DMPK: variants seen among roughly 807,000 people sequenced by gnomAD.
DMPK encodes the protein myotonin-protein kinase.
A neutral mutation model predicts 70.3 loss-of-function variants in DMPK; 32 were observed. The ratio of observed to expected loss-of-function variants is 0.46; its 90% confidence interval spans 0.34 to 0.61. The LOEUF is 0.61. Among genes scored for constraint, DMPK ranks in the 20% least tolerant of loss-of-function variants. The pLI is 0.01. For missense variants in DMPK, 899 were observed against 886.0 expected, an observed-to-expected ratio of 1.01 and a Z score of -0.19; for synonymous variants, 469 against 390.9, an observed-to-expected ratio of 1.20 and a Z score of -2.36.
chr19:45,771,474 C>T (rs990613338), intron 12 of DMPK, 78 bp from the exon 13 acceptor site: 30 of 1,609,668 alleles, frequency 1.9e-5, no homozygotes, highest in Non-Finnish European at 2.4e-5. Context: ...CAGCGTGGGT[C>T]CCTTCCCTCC....
intron 1 of DMPK, chr19:45,780,107 A>G: frequency 6.8e-7 from 1 of 1,475,508 alleles, no homozygotes; most frequent in Non-Finnish European, 9.0e-7. Context: ...GCATTGGCCC[A>G]GAGGGCTCCA....
chr19:45,770,799 C>G lies in DMPK; in HGVS notation c.1738-159G>C, dbSNP rs1309977430. On this transcript the variant is annotated intron_variant, in intron 14 of 14. Transcript: ENST00000291270. Reference sequence around the variant, plus strand: ...GTTAGTCCACTCGCACGCCTCGAATCCCGTCCGAACTCGTCATTGGCTGCT... The same window carrying G: ...GTTAGTCCACTCGCACGCCTCGAATGCCGTCCGAACTCGTCATTGGCTGCT... 23 of 1,006,546 alleles carry G rather than the reference C, an allele frequency of 2.3e-5. No individual in the cohort carries two copies. In the East Asian group the frequency reaches 6.1e-4, roughly 27 times the overall value. The allele number at this position is 1,006,546 out of a possible 1,614,324, so 62.4% of individuals were successfully genotyped here. A position where few individuals can be genotyped will look rare whatever the true frequency, so the allele number is the denominator to read the frequency against.
Position 45,778,142 on chromosome 19 carries a change from C to T in DMPK, c.660G>A (p.Leu220=), listed in dbSNP as rs996282067. 1.7e-5 allele frequency: 28 copies of T among 1,612,404 alleles called. No individual in the cohort carries two copies. The highest frequency in any genetic ancestry group is 2.1e-5 in the Non-Finnish European group (25 of 1,179,402). ...ACTGGCTCACCGTTCCATCTGCCCGCAGCTTGAGGCAAGAGCCGAAGTCGG... is the reference window on the plus strand; with the variant it reads ...ACTGGCTCACCGTTCCATCTGCCCGTAGCTTGAGGCAAGAGCCGAAGTCGG... ...RLADFGSCLK[L]RADGTVRSLV... Residue 220 remains leucine (L), a synonymous_variant, in exon 6 of 15, where the codon CTG becomes CTA. Coordinates refer to ENST00000291270, the MANE Select transcript of DMPK (RefSeq NM_004409.5).
At position 45,782,321 on chromosome 19, in the gene DMPK, T is replaced by C. The variant is rs192648726; in HGVS notation, c.32A>G (p.Gln11Arg). 1.4e-5 allele frequency: 22 copies of C among 1,584,052 alleles called. No individual in the cohort carries two copies. The highest frequency in any genetic ancestry group is 1.5e-5 in the Non-Finnish European group (18 of 1,166,348). Residue 11 changes from glutamine to arginine, a missense_variant, in exon 1 of 15, where the codon CAG becomes CGG. This residue lies in a region of DMPK where 149 missense variants were observed against 142.5 expected (regional missense o/e 1.05). Coordinates refer to ENST00000291270, the MANE Select transcript of DMPK (RefSeq NM_004409.5). The part of the protein sequence containing the change: MSAEVRLRRL[Q>R]QLVLDPGFLG... The stretch of plus-strand genomic sequence containing the variant: ...GAAGCCCGGGTCCAACACCAGCTGC[T>C]GGAGCCGCCTCAGCCGCACCTCGGC...
chr19:45,777,060 G>T lies in DMPK; in HGVS notation c.1146+267C>A. ...CAGAAAGCCCTCCAGGACCTTCCTT[G>T]CTGAGTCAGGAGTCCCCCACCCCCT... On this transcript the variant is annotated intron_variant, in intron 8 of 14. Transcript: ENST00000291270. This position sits in a 1 kb window ranked among gnomAD's most constrained non-coding sequence, Gnocchi z 6.7. 2.3e-6 allele frequency: 1 copy of T among 433,790 alleles called. No individual in the cohort carries two copies. Among genetic ancestry groups the T allele is most frequent in the Non-Finnish European group, 4.0e-6 (1 of 249,498 alleles). 26.9% of individuals were successfully genotyped at this position (433,790 alleles called of 1,614,324 possible).
At chr19:45,778,939 G>A (rs965803843) in intron 4 of DMPK, 2 of 562,580 alleles carry the variant, frequency 3.6e-6, no homozygotes, top group Non-Finnish European at 6.3e-6. Flanking sequence ...CCAGAGAATA[G>A]GTCCCAGACA....
chr19:45,777,372 G>A lies in DMPK; in HGVS notation c.1101C>T (p.Phe367=), dbSNP rs747898634. 6.2e-6 allele frequency: 10 copies of A among 1,606,370 alleles called. No individual in the cohort carries two copies. Among genetic ancestry groups the A allele is most frequent in the East Asian group, 2.2e-5 (1 of 44,780 alleles). The part of the protein sequence containing the change: ...DFEGATDTCN[F]DLVEDGLTAM... ...CAGTGAGCCCGTCCTCCACCAAGTC[G>A]AAGTTGCATGTGTCGGTGGCACCTT... is the stretch of plus-strand genomic sequence containing the variant. The change falls in exon 8 of 15, where the codon TTC becomes TTT. Residue 367 remains phenylalanine (F), a synonymous_variant. Coordinates refer to ENST00000291270, the MANE Select transcript of DMPK (RefSeq NM_004409.5). This position sits in a 1 kb window ranked among gnomAD's most constrained non-coding sequence, Gnocchi z 6.7.
chr19:45,778,774 T>G, intron 4 of DMPK, 133 bp from the exon 5 acceptor site: 1 of 950,660 alleles, frequency 1.1e-6, no homozygotes, highest in Non-Finnish European at 1.5e-6. Context: ...GAGATAACCA[T>G]AGAGATCTGC....
At chr19:45,781,868 A>ATGACCC (rs1251933039) in intron 1 of DMPK, among the ~76,000 whole-genome samples, 1 of 152,152 alleles carries the variant, frequency 6.6e-6, no homozygotes. Context: ...AGCTCCCAGC[A>ATGACCC]TGACCCTGAC....
chr19:45,776,350 A>G (rs77733323), intron 8 of DMPK, among the ~76,000 whole-genome samples: 11 of 45,180 alleles, frequency 2.4e-4, no homozygotes, highest in Admixed American at 7.4e-4. Context: ...TCACCGTGTT[A>G]GCCAAGATGG....
intron 9 of DMPK, among the ~76,000 whole-genome samples, chr19:45,773,578 C>T (rs1969601641): frequency 6.6e-6 from 1 of 152,212 alleles, no homozygotes; most frequent in South Asian, 2.1e-4. Flanking sequence ...ATCTGGTGAG[C>T]TCACGAGATA....
Position 45,779,442 on chromosome 19 carries a change from G to C in DMPK, c.333C>G (p.Gly111=), listed in dbSNP as rs1022657380. 1 of 1,613,618 alleles carries C rather than the reference G, an allele frequency of 6.2e-7. No individual in the cohort carries two copies. The highest frequency in any genetic ancestry group is 1.7e-5 in the Admixed American group (1 of 59,972). Residue 111 remains glycine, a synonymous_variant, in exon 3 of 15, where the codon GGC becomes GGG. Transcript: ENST00000291270. ...IMNKWDMLKR[G]EVSCFREERD... ...CCACGTCCGCCCAGCCCCTCACCTC[G>C]CCCCTCTTCAGCATGTCCCACTTGT... is the stretch of plus-strand genomic sequence containing the variant.
At chr19:45,780,899 G>C (rs1033280522) in intron 1 of DMPK, among the ~76,000 whole-genome samples, 1 of 151,944 alleles carries the variant, frequency 6.6e-6, no homozygotes, top group African/African-American at 2.4e-5. Flanking sequence ...GATGCAGCTC[G>C]GGCCACAAAA....
intron 9 of DMPK, 78 bp from the exon 10 acceptor site, chr19:45,772,830 G>C (rs894125670): frequency 2.6e-6 from 2 of 782,892 alleles, no homozygotes; most frequent in Admixed American, 4.2e-5. Context: ...CTGGCCTGTG[G>C]GTAGGGGCAG....
In DMPK at chr19:45,779,231, C is replaced by T. The variant is rs938806556; in HGVS notation, c.432+33G>A. ...GTCCAGTGACAGCACGGGCTCTTGT[C>T]CCTCTTCCTAGTCACCCCGGCCCGG... is the stretch of plus-strand genomic sequence containing the variant. On this transcript the variant is annotated intron_variant, in intron 4 of 14. Transcript: ENST00000291270. The T allele has an allele frequency of 3.7e-6, 6 of 1,604,364 alleles. No individual in the cohort carries two copies. The African/African-American group carries it at 4.0e-5, about 11-fold the overall frequency.
rs1285896465 is a variant in DMPK, at chr19:45,777,515, G to T, written c.958C>A (p.Pro320Thr). ...CCCCGGCCCAGCCGTGTCTCCGGGG[G>T]ACACAGCAACCGCTGAATGAAGTCT... ...ARDFIQRLLCPPETRLGRGGA... is the reference protein window; with the variant it reads ...ARDFIQRLLCTPETRLGRGGA... The change falls in exon 8 of 15, where the codon CCC (proline) becomes ACC (threonine). Residue 320 changes from proline to threonine, a missense_variant. Transcript: ENST00000291270. This position sits in a 1 kb window ranked among gnomAD's most constrained non-coding sequence, Gnocchi z 6.7. 1.9e-6 allele frequency: 3 copies of T among 1,613,584 alleles called. No homozygotes were observed. Among genetic ancestry groups the T allele is most frequent in the Admixed American group, 3.3e-5 (2 of 60,028 alleles).
chr19:45,779,662 T>TCCAGC, intron 2 of DMPK, 116 bp downstream of exon 2: 1 of 1,552,048 alleles, frequency 6.4e-7, no homozygotes, highest in South Asian at 1.2e-5. Context: ...AAGCCCCGCC[T>TCCAGC]CCAGCCCAGC....
intron 13 of DMPK, 45 bp downstream of exon 13, chr19:45,771,305 A>C: frequency 6.4e-7 from 1 of 1,560,382 alleles, no homozygotes; most frequent in Non-Finnish European, 8.6e-7. Flanking sequence ...GGGGATCTGC[A>C]GAATGGGCAG....
chr19:45,774,019 C>T (rs969773679), intron 9 of DMPK, among the ~76,000 whole-genome samples: 29 of 148,364 alleles, frequency 2.0e-4, no homozygotes, highest in Non-Finnish European at 3.7e-4. Context: ...TGCAATGGCA[C>T]GATCTCAGCT....
Sources: allele counts gnomAD v4.1 joint callset (sites outside exome capture counted in the v4.1 genomes callset), GRCh38; gene constraint gnomAD v4.1.1; regional missense constraint gnomAD v4.1.1; non-coding constraint Gnocchi (gnomAD v3.1); transcripts MANE v1.5; gene names NCBI Gene and HGNC (gene_info 2026-07-23, HGNC 2026-07-21).